The following SEPTIN9 variants were observed in gnomAD, a reference collection of about 807,000 sequenced individuals.
The protein encoded by SEPTIN9 is septin-9.
In SEPTIN9, 13 loss-of-function variants were observed where a neutral mutation model predicts 56.6. That is an observed-to-expected ratio of 0.23 (90% CI 0.15 to 0.37). The LOEUF is 0.37. SEPTIN9 is among the 10% of genes least tolerant of loss of function. The pLI is 1.00. For synonymous variants in SEPTIN9, 332 were observed against 334.1 expected (o/e 0.99, Z 0.07); for missense variants, 650 against 823.1 (o/e 0.79, Z 2.57).
intron 1 of SEPTIN9, among the ~76,000 whole-genome samples, chr17:77,301,107 C>T (rs1236763551): frequency 1.3e-5 from 2 of 152,064 alleles, no homozygotes; most frequent in African/African-American, 2.4e-5. Flanking sequence ...CGCCCCCACC[C>T]CAGGCTCAAA....
At chr17:77,448,408 G>A (rs2037830528) in intron 3 of SEPTIN9, among the ~76,000 whole-genome samples, 1 of 151,934 alleles carries the variant, frequency 6.6e-6, no homozygotes, top group African/African-American at 2.4e-5. Flanking sequence ...CTCAGGAGAC[G>A]GAGGTTGCAG....
rs1302281507 is a variant in SEPTIN9, at chr17:77,323,446, G to C, written c.76+16249G>C. Among the ~76,000 whole-genome samples, 1 of 152,200 alleles carries C rather than the reference G, an allele frequency of 6.6e-6. No homozygotes were observed. Among genetic ancestry groups the C allele is most frequent in the African/African-American group, 2.4e-5 (1 of 41,436 alleles). Reference sequence around the variant, plus strand: ...CTGGGGAGCTCTGTTGGGCTGGGAGGCTAGGAACAGGCCACGAGGGAGGGC... The same window carrying C: ...CTGGGGAGCTCTGTTGGGCTGGGAGCCTAGGAACAGGCCACGAGGGAGGGC... On this transcript the variant is annotated intron_variant, in intron 2 of 11. Transcript: ENST00000427177. This position sits in a 1 kb window ranked among gnomAD's most constrained non-coding sequence, Gnocchi z 6.8.
intron 2 of SEPTIN9, among the ~76,000 whole-genome samples, chr17:77,343,043 A>ATCTG (rs879703063): frequency 1.3e-5 from 2 of 149,212 alleles, no homozygotes; most frequent in Non-Finnish European, 3.0e-5. Context: ...CTATCTATCT[A>ATCTG]GTCTCTGTCC....
In SEPTIN9 at chr17:77,498,954, G is replaced by A. The variant is rs940007938; in HGVS notation, c.*296G>A. On this transcript the variant is annotated 3_prime_UTR_variant, in exon 12 of 12. Coordinates refer to ENST00000427177, the MANE Select transcript of SEPTIN9 (RefSeq NM_001113491.2). ...GGCCTGGCTCCCCGAGGGCTCAGAA[G>A]AGCAGCTTCGGTGTGCAGATCATCC... is the stretch of plus-strand genomic sequence containing the variant. The A allele has an allele frequency of 1.6e-5, 9 of 552,546 alleles. No homozygotes were observed. The highest frequency in any genetic ancestry group is 1.0e-5 in the Non-Finnish European group (3 of 288,036). 34.2% of individuals were successfully genotyped at this position (552,546 alleles called of 1,614,324 possible).
At chr17:77,471,028 ACTC>A (rs1253867220) in intron 3 of SEPTIN9, 1 of 152,004 alleles carries the variant, frequency 6.6e-6, no homozygotes, top group Non-Finnish European at 1.5e-5. Context: ...GAGCAGGAGG[ACTC>A]CTGGGGCAGG....
rs192326643 is a variant in SEPTIN9 at position 77,341,862 on chromosome 17, C to T, written c.76+34665C>T. Among the ~76,000 whole-genome samples the T allele has an allele frequency of 5.0e-3, 753 of 150,286 alleles. 11 individuals carry two copies. Among genetic ancestry groups the T allele is most frequent in the African/African-American group, 0.018 (717 of 40,958 alleles). On this transcript the variant is annotated intron_variant, in intron 2 of 11. Transcript: ENST00000427177. Reference sequence around the variant, plus strand: ...CTTTGGGAGGCCGAGGCGGGCAGATCATGAGGTCAGGGGATTGAGACCATC... The same window carrying T: ...CTTTGGGAGGCCGAGGCGGGCAGATTATGAGGTCAGGGGATTGAGACCATC...
chr17:77,452,412 G>A (rs1032464174), intron 3 of SEPTIN9, among the ~76,000 whole-genome samples: 20 of 152,354 alleles, frequency 1.3e-4, no homozygotes, highest in African/African-American at 4.8e-4. Flanking sequence ...GACTGACTCA[G>A]CCTCCAGCCT....
Position 77,453,107 on chromosome 17 carries a change from C to T in SEPTIN9, c.722-29037C>T, listed in dbSNP as rs2038048742. Among the ~76,000 whole-genome samples the T allele has an allele frequency of 6.6e-6, 1 of 152,028 alleles. No homozygotes were observed. The highest frequency in any genetic ancestry group is 2.4e-5 in the African/African-American group (1 of 41,368). ...TTTGTGTTCCCACTAGCCCCCGCCC[C>T]TGTAGGCTGTCATTGTGATGGTGAT... is the stretch of plus-strand genomic sequence containing the variant. On this transcript the variant is annotated intron_variant, in intron 3 of 11. Coordinates refer to ENST00000427177, the MANE Select transcript of SEPTIN9 (RefSeq NM_001113491.2). This position sits in a 1 kb window ranked among gnomAD's most constrained non-coding sequence, Gnocchi z 4.4.
chr17:77,450,789 G>A lies in SEPTIN9; in HGVS notation c.722-31355G>A. On this transcript the variant is annotated intron_variant, in intron 3 of 11. Transcript: ENST00000427177. This position sits in a 1 kb window ranked among gnomAD's most constrained non-coding sequence, Gnocchi z 6.0. ...GGCTCTCGGAGGAAGAGCTCAGGGTGAGCTGCGCCCCCATCCCCTGCCCCT... is the reference window on the plus strand; with the variant it reads ...GGCTCTCGGAGGAAGAGCTCAGGGTAAGCTGCGCCCCCATCCCCTGCCCCT... The A allele has an allele frequency of 3.0e-6, 3 of 986,434 alleles. No individual in the cohort carries two copies. The highest frequency in any genetic ancestry group is 3.6e-6 in the Non-Finnish European group (3 of 830,740). 61.1% of individuals were successfully genotyped at this position (986,434 alleles called of 1,614,324 possible). A position where few individuals can be genotyped will look rare whatever the true frequency, so the allele number is the denominator to read the frequency against.
rs191344584 is a variant in SEPTIN9 at position 77,468,095 on chromosome 17, T to G, written c.722-14049T>G. Among the ~76,000 whole-genome samples the G allele has an allele frequency of 4.3e-3, 646 of 151,916 alleles. 8 individuals carry two copies. The highest frequency in any genetic ancestry group is 0.015 in the African/African-American group (612 of 41,394). On this transcript the variant is annotated intron_variant, in intron 3 of 11. Transcript: ENST00000427177. ...CCTGGCTAACACGGTGAAACCCCGT[T>G]TCTACTAAAAATATAAAAAATTAGC...
intron 1 of SEPTIN9, among the ~76,000 whole-genome samples, chr17:77,306,740 C>T (rs1409064357): frequency 6.6e-6 from 1 of 152,120 alleles, no homozygotes; most frequent in Non-Finnish European, 1.5e-5. Flanking sequence ...AAGGAGGAGA[C>T]TCCGTCCAGC....
intron 3 of SEPTIN9, among the ~76,000 whole-genome samples, chr17:77,430,962 G>T (rs1190974595): frequency 6.6e-6 from 1 of 151,120 alleles, no homozygotes; most frequent in African/African-American, 2.4e-5. Context: ...CTGCACTCCA[G>T]CCTGGGCAAC....
At chr17:77,467,963 G>A (rs1424691101) in intron 3 of SEPTIN9, among the ~76,000 whole-genome samples, 1 of 152,184 alleles carries the variant, frequency 6.6e-6, no homozygotes, top group East Asian at 1.9e-4. Context: ...AGGGCCACGT[G>A]TGTAAGAACT....
intron 1 of SEPTIN9, among the ~76,000 whole-genome samples, chr17:77,292,789 C>T (rs1025637432): frequency 2.0e-5 from 3 of 151,886 alleles, no homozygotes; most frequent in Non-Finnish European, 2.9e-5. Flanking sequence ...CCACCAGGCC[C>T]GGCCGTTGAG....
At chr17:77,300,989 T>C (rs1259969309) in intron 1 of SEPTIN9, among the ~76,000 whole-genome samples, 1 of 86,532 alleles carries the variant, frequency 1.2e-5, no homozygotes, top group African/African-American at 4.7e-5. Flanking sequence ...AGGCTCAAAG[T>C]GCCCGCAACC....
chr17:77,316,604 G>T (rs1443076063), intron 2 of SEPTIN9, among the ~76,000 whole-genome samples: 2 of 152,210 alleles, frequency 1.3e-5, no homozygotes, highest in African/African-American at 4.8e-5. Flanking sequence ...CGCCAGCCAG[G>T]CTGGGTCAGA....
At chr17:77,403,998 C>G (rs955890182) in intron 3 of SEPTIN9, among the ~76,000 whole-genome samples, 3 of 152,120 alleles carry the variant, frequency 2.0e-5, no homozygotes, top group Non-Finnish European at 1.5e-5. Flanking sequence ...TTTATTTGAC[C>G]ACTCTAGGAA....
At position 77,327,993 on chromosome 17, in the gene SEPTIN9, C is replaced by G. The variant is rs1202737598; in HGVS notation, c.76+20796C>G. Among the ~76,000 whole-genome samples the G allele has an allele frequency of 6.6e-6, 1 of 151,898 alleles. No homozygotes were observed. The highest frequency in any genetic ancestry group is 1.5e-5 in the Non-Finnish European group (1 of 67,974). ...TCCCTGTATCCAGGGCATCCCCATG[C>G]CCAGGGTGTCCCCGTGCCTAGTGTG... is the stretch of plus-strand genomic sequence containing the variant. On this transcript the variant is annotated intron_variant, in intron 2 of 11. Transcript: ENST00000427177. This position sits in a 1 kb window ranked among gnomAD's most constrained non-coding sequence, Gnocchi z 5.0.
At chr17:77,288,307 C>A in intron 1 of SEPTIN9, 2 of 750,978 alleles carry the variant, frequency 2.7e-6, no homozygotes, top group Non-Finnish European at 3.3e-6. Context: ...TTTCCCAGCG[C>A]TGCACCTGGG....
Sources: allele counts gnomAD v4.1 joint callset (sites outside exome capture counted in the v4.1 genomes callset), GRCh38; gene constraint gnomAD v4.1.1; non-coding constraint Gnocchi (gnomAD v3.1); transcripts MANE v1.5; gene names NCBI Gene and HGNC (gene_info 2026-07-23, HGNC 2026-07-21).